KHDRBS2: variants seen among roughly 807,000 people sequenced by gnomAD.
KHDRBS2 encodes KH domain-containing, RNA-binding, signal transduction-associated protein 2.
In KHDRBS2, 26 loss-of-function variants were observed where a neutral mutation model predicts 44.3. The observed-to-expected ratio is 0.59, with a 90% CI of 0.43 to 0.81. The LOEUF is 0.81. Ranked by LOEUF, KHDRBS2 falls within the 40% of genes least tolerant of loss-of-function variation. The probability of loss-of-function intolerance (pLI) is 0.00; values close to 1 mark genes in which losing one functional copy is unlikely to be tolerated. For missense variants in KHDRBS2, 476 were observed against 433.1 expected (o/e 1.10, Z -0.88); for synonymous variants, 194 against 151.1 (o/e 1.28, Z -2.08).
chr6:62,040,436 C>G (rs1786223862), intron 3 of KHDRBS2, among the ~76,000 whole-genome samples: 1 of 151,960 alleles, frequency 6.6e-6, no homozygotes, highest in South Asian at 2.1e-4. Flanking sequence ...ATATTATTAT[C>G]ATATACATGG....
chr6:62,072,766 C>T (rs1352436264), intron 2 of KHDRBS2, among the ~76,000 whole-genome samples: 2 of 152,122 alleles, frequency 1.3e-5, no homozygotes, highest in African/African-American at 2.4e-5. Flanking sequence ...AGGATTTTTG[C>T]ATCGATGTTC....
the KHDRBS2 span, among the ~76,000 whole-genome samples, chr6:61,550,766 C>CTTTTT: frequency 0.015 from 1,754 of 116,990 alleles, 72 homozygotes; most frequent in East Asian, 0.036. Context: ...GAGATGGTAT[C>CTTTTT]TTTTTTTTTT....
the KHDRBS2 span, among the ~76,000 whole-genome samples, chr6:61,618,644 C>T: frequency 3.3e-5 from 5 of 152,252 alleles, no homozygotes; most frequent in East Asian, 7.7e-4. Flanking sequence ...CTCTGATAGG[C>T]CCCGTTGTGC....
At chr6:62,039,185 G>A (rs1473878944) in intron 3 of KHDRBS2, among the ~76,000 whole-genome samples, 2 of 151,448 alleles carry the variant, frequency 1.3e-5, no homozygotes, top group African/African-American at 4.8e-5. Context: ...AACTATGGGT[G>A]TTTTATGTGT....
intron 6 of KHDRBS2, among the ~76,000 whole-genome samples, chr6:61,772,633 A>G (rs546743481): frequency 2.0e-5 from 3 of 151,464 alleles, no homozygotes; most frequent in Non-Finnish European, 4.4e-5. Flanking sequence ...ATTCTCTTTT[A>G]TTTTATTTTA....
At chr6:61,779,062 A>G (rs1439366413) in intron 6 of KHDRBS2, among the ~76,000 whole-genome samples, 2 of 152,176 alleles carry the variant, frequency 1.3e-5, no homozygotes, top group African/African-American at 4.8e-5. Flanking sequence ...CATTTAGTTT[A>G]CTTGGTGATT....
chr6:61,865,370 T>A (rs1322275702), intron 6 of KHDRBS2, among the ~76,000 whole-genome samples: 1 of 152,118 alleles, frequency 6.6e-6, no homozygotes, highest in Non-Finnish European at 1.5e-5. Flanking sequence ...GGCCTCACAA[T>A]CATGGTGGAA....
chr6:61,732,948 G>T (rs559129117), intron 6 of KHDRBS2, among the ~76,000 whole-genome samples, 184 bp from the exon 7 acceptor site: 2 of 152,184 alleles, frequency 1.3e-5, no homozygotes, highest in South Asian at 2.1e-4. Context: ...CATGGATCAG[G>T]TATCAATGTT....
At chr6:61,781,389 C>A (rs1782902296) in intron 6 of KHDRBS2, among the ~76,000 whole-genome samples, 1 of 151,906 alleles carries the variant, frequency 6.6e-6, no homozygotes, top group South Asian at 2.1e-4. Flanking sequence ...TCTTAAAAAC[C>A]CAGGCTAACC....
intron 1 of KHDRBS2, among the ~76,000 whole-genome samples, chr6:62,181,190 C>T (rs1822208456): frequency 6.6e-6 from 1 of 151,730 alleles, no homozygotes; most frequent in Non-Finnish European, 1.5e-5. Context: ...CAAAAATAGA[C>T]AAGTGGGATT....
At chr6:61,647,903 A>T in the KHDRBS2 span, among the ~76,000 whole-genome samples, 1 of 152,172 alleles carries the variant, frequency 6.6e-6, no homozygotes, top group Non-Finnish European at 1.5e-5. Context: ...TTGGTTTTCA[A>T]TGGCCAAATT....
intron 2 of KHDRBS2, among the ~76,000 whole-genome samples, chr6:62,081,502 C>T (rs1333613904): frequency 6.6e-6 from 1 of 151,962 alleles, no homozygotes; most frequent in Non-Finnish European, 1.5e-5. Flanking sequence ...AAATTTGGGG[C>T]AACAATAATT....
chr6:61,603,552 A>G, the KHDRBS2 span, among the ~76,000 whole-genome samples: 1 of 152,114 alleles, frequency 6.6e-6, no homozygotes, highest in Non-Finnish European at 1.5e-5. Flanking sequence ...TTTTTATCCA[A>G]ACAACTTGAC....
chr6:62,167,488 A>G (rs1178636864), intron 2 of KHDRBS2, among the ~76,000 whole-genome samples: 4 of 152,316 alleles, frequency 2.6e-5, no homozygotes, highest in African/African-American at 9.6e-5. Context: ...AAATTTTTCT[A>G]GAAAACAGGA....
intron 3 of KHDRBS2, among the ~76,000 whole-genome samples, chr6:62,040,066 A>T (rs956916801): frequency 6.6e-6 from 1 of 152,088 alleles, no homozygotes; most frequent in African/African-American, 2.4e-5. Flanking sequence ...GTCTCTACCA[A>T]GAAGAAATGT....
chr6:62,157,666 ATCATT>A (rs1446620363), intron 2 of KHDRBS2, among the ~76,000 whole-genome samples: 7 of 152,222 alleles, frequency 4.6e-5, no homozygotes, highest in African/African-American at 1.2e-4. Flanking sequence ...TATAATTTTT[ATCATT>A]TCATTATTTA....
chr6:61,941,068 T>C (rs939424013), intron 4 of KHDRBS2, among the ~76,000 whole-genome samples: 3 of 152,164 alleles, frequency 2.0e-5, no homozygotes, highest in Non-Finnish European at 2.9e-5. Context: ...TCATTTACAA[T>C]TGGGGGCCTG....
At chr6:61,622,160 C>G in the KHDRBS2 span, among the ~76,000 whole-genome samples, 1 of 152,138 alleles carries the variant, frequency 6.6e-6, no homozygotes, top group Non-Finnish European at 1.5e-5. Context: ...ATTTATTACA[C>G]AGAAATAAAA....
intron 3 of KHDRBS2, among the ~76,000 whole-genome samples, chr6:62,037,987 C>T (rs776421411): frequency 1.3e-5 from 2 of 151,906 alleles, no homozygotes; most frequent in Non-Finnish European, 2.9e-5. Context: ...AGATATTAAG[C>T]AAAAATACAT....
Sources: allele counts gnomAD v4.1 joint callset (sites outside exome capture counted in the v4.1 genomes callset), GRCh38; gene constraint gnomAD v4.1.1; transcripts MANE v1.5; gene names NCBI Gene and HGNC (gene_info 2026-07-23, HGNC 2026-07-21).